HSH2D: variants seen among roughly 807,000 people sequenced by gnomAD.
HSH2D encodes hematopoietic SH2 domain-containing protein.
HSH2D carries 16 observed loss-of-function variants against 21.5 expected under a neutral mutation model. That is an observed-to-expected ratio of 0.74 (90% CI 0.50 to 1.13). The LOEUF is 1.13. Among genes scored for constraint, HSH2D ranks in the 50% most tolerant of loss-of-function variants. HSH2D has a pLI of 0.00. For synonymous variants in HSH2D, 172 were observed against 184.7 expected, an observed-to-expected ratio of 0.93 and a Z score of 0.56; for missense variants, 418 against 441.4, an observed-to-expected ratio of 0.95 and a Z score of 0.47.
In HSH2D at chr19:16,154,427, A is replaced by T; in HGVS notation, c.410A>T (p.Asp137Val). 6.4e-7 allele frequency: 1 copy of T among 1,551,702 alleles called. No individual in the cohort carries two copies. The change falls in exon 5 of 6, where the codon GAT becomes GTT. Residue 137 changes from aspartate to valine, a missense_variant. Asp to Val is a radical substitution (Grantham distance 152). Transcript: ENST00000613986. Reference sequence around the variant, plus strand: ...GATCCCGCAAACGTGGATTACGAGGATCTCTTCCTCTACTCCAACGCAGTG... The same window carrying T: ...GATCCCGCAAACGTGGATTACGAGGTTCTCTTCCTCTACTCCAACGCAGTG... ...QKDPANVDYE[D>V]LFLYSNAVAE...
At chr19:16,152,407 G>A (rs1309403993) in intron 2 of HSH2D, 145 bp from the exon 3 acceptor site, 4 of 452,850 alleles carry the variant, frequency 8.8e-6, no homozygotes, top group Non-Finnish European at 1.5e-5. Context: ...GACAGAGCGA[G>A]ACTCTGTCTC....
chr19:16,155,241 G>C (rs2091222342), intron 5 of HSH2D, among the ~76,000 whole-genome samples: 1 of 152,064 alleles, frequency 6.6e-6, no homozygotes, highest in Non-Finnish European at 1.5e-5. Flanking sequence ...AATGAAACAG[G>C]CTGGTGTGAT....
upstream of HSH2D, among the ~76,000 whole-genome samples, chr19:16,139,401 A>G (rs1309326883): frequency 6.6e-6 from 1 of 152,192 alleles, no homozygotes; most frequent in Non-Finnish European, 1.5e-5. Context: ...GCAACACAGC[A>G]AGACCCTGTC....
chr19:16,157,103 T>G lies in HSH2D; in HGVS notation c.475-107T>G. ...AGGTTTGGGGGTTCACACGGGGACGTTTCTCAGCCACAGGGTGTCTGGGTG... is the reference window on the plus strand; with the variant it reads ...AGGTTTGGGGGTTCACACGGGGACGGTTCTCAGCCACAGGGTGTCTGGGTG... On this transcript the variant is annotated intron_variant, in intron 5 of 5. Transcript: ENST00000613986. The surrounding 1 kb of genome is among the most constrained non-coding windows in gnomAD (Gnocchi z 4.4). 1 of 877,602 alleles carries G rather than the reference T, an allele frequency of 1.1e-6. No homozygotes were observed. The highest frequency in any genetic ancestry group is 1.7e-6 in the Non-Finnish European group (1 of 589,546). The allele number at this position is 877,602 out of a possible 1,614,324, so 54.4% of individuals were successfully genotyped here. A position where few individuals can be genotyped will look rare whatever the true frequency, so the allele number is the denominator to read the frequency against.
Position 16,145,036 on chromosome 19 carries a change from G to GA in HSH2D, c.-28+1262_-28+1263insA, listed in dbSNP as rs1479067026. Among the ~76,000 whole-genome samples, 275 of 137,668 alleles carry GA rather than the reference G, an allele frequency of 2.0e-3. 1 individual carries two copies. Among genetic ancestry groups the GA allele is most frequent in the African/African-American group, 7.6e-3 (260 of 34,174 alleles). 90.3% of individuals were successfully genotyped at this position (137,668 alleles called of 152,430 possible). ...TGGTGGTGATGGGTTTTTTTTTTGG[G>GA]GTTTTTTTTTTTTTTTTTGTGAGAC... On this transcript the variant is annotated intron_variant, in intron 1 of 5. Transcript: ENST00000613986.
At chr19:16,141,275 G>A (rs777840667), upstream of HSH2D, among the ~76,000 whole-genome samples, 1 of 152,230 alleles carries the variant, frequency 6.6e-6, no homozygotes, top group Non-Finnish European at 1.5e-5. Flanking sequence ...TGCTGTTGCC[G>A]AGGAGGAGCA....
At chr19:16,145,023 G>GTT (rs34431933) in intron 1 of HSH2D, among the ~76,000 whole-genome samples, 19 of 130,748 alleles carry the variant, frequency 1.5e-4, no homozygotes, top group African/African-American at 6.0e-4. Context: ...GTGGTGATGG[G>GTT]TTTTTTTTTT....
chr19:16,142,634 T>TC (rs2091011067), upstream of HSH2D, among the ~76,000 whole-genome samples: 1 of 151,836 alleles, frequency 6.6e-6, no homozygotes, highest in African/African-American at 2.4e-5. Context: ...GGGCTAATTT[T>TC]GCAGTTTTAG....
Position 16,152,621 on chromosome 19 carries a change from G to C in HSH2D, c.195G>C (p.Val65=), listed in dbSNP as rs750147792. ...TCATCAGGGTCAGTCACAGCCATGT[G>C]GGCTACACACTCTCCTACAAGTAAG... ...SFLIRVSHSH[V]GYTLSYKAQS... The change falls in exon 3 of 6, where the codon GTG becomes GTC. Residue 65 remains valine, a synonymous_variant. Transcript: ENST00000613986. The C allele has an allele frequency of 6.5e-7, 1 of 1,530,376 alleles. No homozygotes were observed. Among genetic ancestry groups the C allele is most frequent in the Non-Finnish European group, 8.8e-7 (1 of 1,141,716 alleles). 94.8% of individuals were successfully genotyped at this position (1,530,376 alleles called of 1,614,324 possible).
intron 1 of HSH2D, among the ~76,000 whole-genome samples, chr19:16,135,953 C>G (rs1211483716): frequency 6.6e-6 from 1 of 152,134 alleles, no homozygotes; most frequent in Non-Finnish European, 1.5e-5. Flanking sequence ...CATCCTCTTC[C>G]CTCAAAGAAA....
At chr19:16,142,778 G>A (rs564278500), upstream of HSH2D, among the ~76,000 whole-genome samples, 1 of 146,180 alleles carries the variant, frequency 6.8e-6, no homozygotes, top group Admixed American at 6.9e-5. Context: ...TTTTTTGTTT[G>A]TTTGTTTTGC....
chr19:16,154,312 G>C, intron 4 of HSH2D, 87 bp from the exon 5 acceptor site: 1 of 806,082 alleles, frequency 1.2e-6, no homozygotes, highest in Non-Finnish European at 2.0e-6. Flanking sequence ...CTATTCAAGG[G>C]ATGGTCCCTG....
chr19:16,138,460 TTTTG>T (rs1464559718), intron 1 of HSH2D, among the ~76,000 whole-genome samples: 12 of 152,114 alleles, frequency 7.9e-5, no homozygotes, highest in East Asian at 7.7e-4. Context: ...CCCGTGCTGA[TTTTG>T]TTTGTTTGTT....
At chr19:16,146,345 A>G (rs1196071662) in intron 1 of HSH2D, among the ~76,000 whole-genome samples, 1 of 152,156 alleles carries the variant, frequency 6.6e-6, no homozygotes. Context: ...TTGGTGGCAG[A>G]AGTGACTGTC....
In HSH2D at chr19:16,152,640, A is replaced by G; in HGVS notation, c.214A>G (p.Lys72Glu). Residue 72 changes from lysine to glutamate, a missense_variant and splice_region_variant, in exon 3 of 6, where the codon AAA (lysine) becomes GAA (glutamate). By Grantham distance (56) the Lys-to-Glu change is moderately conservative. Coordinates refer to ENST00000613986, the MANE Select transcript of HSH2D (RefSeq NM_001382417.1). ...CCATGTGGGCTACACACTCTCCTAC[A>G]AGTAAGGCCTGGGCCGGGATCCAGG... ...HSHVGYTLSY[K>E]AQSSCCHFMV... 1 of 1,539,850 alleles carries G rather than the reference A, an allele frequency of 6.5e-7. No individual in the cohort carries two copies. The highest frequency in any genetic ancestry group is 8.7e-7 in the Non-Finnish European group (1 of 1,145,190).
At chr19:16,151,524 A>G in intron 2 of HSH2D, 2 of 455,944 alleles carry the variant, frequency 4.4e-6, no homozygotes, top group South Asian at 3.1e-5. Context: ...CTGAGGTCAC[A>G]CAGCTGATGG....
intron 1 of HSH2D, 27 bp from the exon 2 acceptor site, chr19:16,148,697 C>T (rs2091104527): frequency 1.2e-6 from 2 of 1,609,924 alleles, no homozygotes; most frequent in East Asian, 4.5e-5. Context: ...AAGCTTGATT[C>T]TTGTCTTCCC....
At chr19:16,149,870 C>T (rs529353553) in intron 2 of HSH2D, among the ~76,000 whole-genome samples, 2 of 151,866 alleles carry the variant, frequency 1.3e-5, no homozygotes, top group African/African-American at 2.4e-5. Context: ...CATGAGCCAC[C>T]GTGCCTGGCC....
chr19:16,144,111 G>A (rs2091030981), intron 1 of HSH2D, among the ~76,000 whole-genome samples: 1 of 152,048 alleles, frequency 6.6e-6, no homozygotes, highest in South Asian at 2.1e-4. Context: ...TGAGCATGCG[G>A]TCTTTCATCA....
Sources: allele counts gnomAD v4.1 joint callset (sites outside exome capture counted in the v4.1 genomes callset), GRCh38; gene constraint gnomAD v4.1.1; non-coding constraint Gnocchi (gnomAD v3.1); transcripts MANE v1.5; gene names NCBI Gene and HGNC (gene_info 2026-07-23, HGNC 2026-07-21).